Variants in TRPS1 observed in about 807,000 individuals in gnomAD.
The protein encoded by TRPS1 is zinc finger transcription factor Trps1.
A neutral mutation model predicts 101.2 loss-of-function variants in TRPS1; 6 were observed. That is an observed-to-expected ratio of 0.06 (90% CI 0.03 to 0.12). TRPS1 has a LOEUF of 0.12. Ranked by LOEUF, TRPS1 falls within the 10% of genes least tolerant of loss-of-function variation. The probability of loss-of-function intolerance (pLI) is 1.00; values close to 1 mark genes in which losing one functional copy is unlikely to be tolerated. For missense variants in TRPS1, 1,363 were observed against 1,567.0 expected (o/e 0.87, Z 2.20); for synonymous variants, 578 against 589.8 (o/e 0.98, Z 0.29).
At chr8:115,448,333 G>A (rs1813787229) in intron 5 of TRPS1, among the ~76,000 whole-genome samples, 1 of 152,106 alleles carries the variant, frequency 6.6e-6, no homozygotes, top group African/African-American at 2.4e-5. Context: ...GATACAGCAT[G>A]GCACAAAAGC....
At chr8:115,437,995 A>T (rs963090933) in intron 5 of TRPS1, among the ~76,000 whole-genome samples, 3 of 152,242 alleles carry the variant, frequency 2.0e-5, no homozygotes, top group African/African-American at 7.2e-5. Flanking sequence ...GAGGTTATTA[A>T]GGCTAAAATA....
intron 5 of TRPS1, among the ~76,000 whole-genome samples, chr8:115,484,694 A>G (rs1814835720): frequency 6.6e-6 from 1 of 152,166 alleles, no homozygotes; most frequent in African/African-American, 2.4e-5. Context: ...CTACAATGCT[A>G]TTTTCAAAAT....
In TRPS1 at chr8:115,619,664, T is replaced by C; in HGVS notation, c.434A>G (p.Glu145Gly). ...GGCCATATCTTGAGGGTCATCTGCC[T>C]CTGCTCTTTGCGGAGACTTCAAGGG... Reference protein sequence around the residue: ...CEPLKSPQRAEADDPQDMACT... With the variant: ...CEPLKSPQRAGADDPQDMACT... Residue 145 changes from glutamate (E) to glycine (G), a missense_variant, in exon 3 of 7, where the codon GAG (glutamate) becomes GGG (glycine). Around this residue, in one of 5 missense-constraint regions of TRPS1, gnomAD observed 1,020 missense variants for 1,073.0 expected, o/e 0.95. Transcript: ENST00000395715. The C allele has an allele frequency of 6.2e-7, 1 of 1,614,220 alleles. No individual in the cohort carries two copies. Among genetic ancestry groups the C allele is most frequent in the Non-Finnish European group, 8.5e-7 (1 of 1,180,040 alleles).
intron 2 of TRPS1, among the ~76,000 whole-genome samples, chr8:115,622,055 G>C (rs1818407548): frequency 1.3e-5 from 2 of 152,178 alleles, no homozygotes; most frequent in Admixed American, 6.5e-5. Context: ...ATGGAAGAGT[G>C]AAGTTTCAAG....
chr8:115,508,306 T>C (rs752362671), intron 5 of TRPS1, among the ~76,000 whole-genome samples: 2 of 152,118 alleles, frequency 1.3e-5, no homozygotes, highest in South Asian at 2.1e-4. Context: ...ATTTTAAAGA[T>C]TGAACAAAGA....
chr8:115,664,463 T>C (rs369456104), intron 1 of TRPS1, among the ~76,000 whole-genome samples: 3 of 152,172 alleles, frequency 2.0e-5, no homozygotes, highest in South Asian at 2.1e-4. Flanking sequence ...TTCTGTATAA[T>C]AACAAAAGAT....
At chr8:115,634,443 T>C (rs959549699) in intron 1 of TRPS1, among the ~76,000 whole-genome samples, 13 of 152,308 alleles carry the variant, frequency 8.5e-5, no homozygotes, top group African/African-American at 2.9e-4. Flanking sequence ...CAAGAAAAAG[T>C]AGCACTCTAT....
At chr8:115,661,850 T>C (rs7010865) in intron 1 of TRPS1, among the ~76,000 whole-genome samples, 8,702 of 151,566 alleles carry the variant, frequency 0.057, 650 homozygotes, top group African/African-American at 0.17. Flanking sequence ...ACTGCAACTC[T>C]AAACACCTCC....
chr8:115,437,749 C>T (rs1306429563), intron 5 of TRPS1, among the ~76,000 whole-genome samples: 2 of 152,114 alleles, frequency 1.3e-5, no homozygotes, highest in African/African-American at 4.8e-5. Context: ...CTAGCCCTAT[C>T]TCATATTTAT....
intron 5 of TRPS1, among the ~76,000 whole-genome samples, chr8:115,550,769 T>C (rs1816685700): frequency 1.3e-5 from 2 of 152,214 alleles, no homozygotes; most frequent in Non-Finnish European, 2.9e-5. Context: ...AAGTCTCTTC[T>C]GCACCTTGAC....
intron 5 of TRPS1, among the ~76,000 whole-genome samples, chr8:115,538,650 G>A (rs1468145452): frequency 1.3e-5 from 2 of 151,216 alleles, no homozygotes; most frequent in Non-Finnish European, 2.9e-5. Context: ...ATTTTTCTGT[G>A]ACCAATATTT....
At chr8:115,597,486 G>A (rs1817813362) in intron 4 of TRPS1, among the ~76,000 whole-genome samples, 1 of 151,920 alleles carries the variant, frequency 6.6e-6, no homozygotes, top group South Asian at 2.1e-4. Context: ...GGCTTAATAT[G>A]TCTCAATTTT....
chr8:115,528,405 G>T (rs926077373), intron 5 of TRPS1, among the ~76,000 whole-genome samples: 2 of 152,004 alleles, frequency 1.3e-5, no homozygotes, highest in African/African-American at 4.8e-5. Flanking sequence ...TCTGAGAGAG[G>T]TTAAATAGCA....
intron 1 of TRPS1, among the ~76,000 whole-genome samples, chr8:115,636,330 G>A (rs1485510364): frequency 1.3e-5 from 2 of 152,076 alleles, no homozygotes; most frequent in African/African-American, 4.8e-5. Context: ...TGTCCATCAG[G>A]CTGGAAAATA....
rs142490062 is a variant in TRPS1 at position 115,533,922 on chromosome 8, G to C, written c.2700+53079C>G. Among the ~76,000 whole-genome samples, 919 of 152,210 alleles carry C rather than the reference G, an allele frequency of 6.0e-3. 8 individuals carry two copies. The highest frequency in any genetic ancestry group is 0.02 in the African/African-American group (836 of 41,506). On this transcript the variant is annotated intron_variant, in intron 5 of 6. Coordinates refer to ENST00000395715, the MANE Select transcript of TRPS1 (RefSeq NM_014112.5). Reference sequence around the variant, plus strand: ...CATATAAGCCTACTAATCCCCATCAGACCAGGTCCCTTATGATCTTAAACC... The same window carrying C: ...CATATAAGCCTACTAATCCCCATCACACCAGGTCCCTTATGATCTTAAACC...
In TRPS1 at chr8:115,649,333, C is replaced by G. The variant is rs185257068; in HGVS notation, c.-122+19212G>C. 2.6e-5 allele frequency among the ~76,000 whole-genome samples: 4 copies of G among 152,294 alleles called. No individual in the cohort carries two copies. The East Asian group carries it at 7.7e-4, about 29-fold the overall frequency. Reference sequence around the variant, plus strand: ...AAGATACAGCAACTCAAATCTTGTTCACCCACCAGATAAGAAACAAAGTAG... The same window carrying G: ...AAGATACAGCAACTCAAATCTTGTTGACCCACCAGATAAGAAACAAAGTAG... On this transcript the variant is annotated intron_variant, in intron 1 of 6. Transcript: ENST00000395715.
chr8:115,551,030 A>G (rs1458198788), intron 5 of TRPS1, among the ~76,000 whole-genome samples: 1 of 152,226 alleles, frequency 6.6e-6, no homozygotes, highest in African/African-American at 2.4e-5. Flanking sequence ...TAAAGACTCC[A>G]GCCTTCACTC....
intron 5 of TRPS1, among the ~76,000 whole-genome samples, chr8:115,445,158 G>A (rs1157082321): frequency 6.6e-6 from 1 of 152,018 alleles, no homozygotes; most frequent in Non-Finnish European, 1.5e-5. Context: ...CCAGCTCAGT[G>A]CACTTCATAC....
At chr8:115,557,218 C>A (rs911102115) in intron 5 of TRPS1, among the ~76,000 whole-genome samples, 1 of 152,016 alleles carries the variant, frequency 6.6e-6, no homozygotes, top group African/African-American at 2.4e-5. Context: ...AGGTCCCTCC[C>A]ACAATACATG....
Sources: gnomAD v4.1 joint callset for allele counts (sites outside exome capture counted in the v4.1 genomes callset) on GRCh38, gnomAD v4.1.1 for gene constraint, gnomAD v4.1.1 regional missense constraint, MANE v1.5 for transcripts, NCBI Gene and HGNC (gene_info 2026-07-23, HGNC 2026-07-21) for gene names.